The following ETV6 variants were observed in gnomAD, a reference collection of about 807,000 sequenced individuals.
ETV6 encodes ETS variant transcription factor 6.
A neutral mutation model predicts 51.1 loss-of-function variants in ETV6; 16 were observed. That is an observed-to-expected ratio of 0.31 (90% CI 0.21 to 0.48). The LOEUF (loss-of-function observed/expected upper bound fraction) is 0.48. Ranked by LOEUF, ETV6 falls within the 20% of genes least tolerant of loss-of-function variation. The pLI, the probability that ETV6 is intolerant of heterozygous loss-of-function variation, is 0.99. For missense variants in ETV6, 458 were observed against 594.8 expected (o/e 0.77, Z 2.39); for synonymous variants, 240 against 224.1 (o/e 1.07, Z -0.64).
chr12:11,737,866 C>G (rs1047811247), intron 1 of ETV6, among the ~76,000 whole-genome samples: 1 of 152,198 alleles, frequency 6.6e-6, no homozygotes, highest in African/African-American at 2.4e-5. Flanking sequence ...TGCCCCTGCC[C>G]ACTTTTTTTG....
At chr12:11,691,980 A>G (rs952459052) in intron 1 of ETV6, among the ~76,000 whole-genome samples, 2 of 152,232 alleles carry the variant, frequency 1.3e-5, no homozygotes, top group Admixed American at 6.5e-5. Flanking sequence ...AAGAAGTAGC[A>G]TGTAGACTTC....
chr12:11,654,685 A>G (rs1863967316), intron 1 of ETV6, among the ~76,000 whole-genome samples: 1 of 152,020 alleles, frequency 6.6e-6, no homozygotes, highest in African/African-American at 2.4e-5. Flanking sequence ...GGCCTGACGG[A>G]CTTGTATTGG....
intron 1 of ETV6, among the ~76,000 whole-genome samples, chr12:11,732,783 A>G (rs1026429934): frequency 6.6e-6 from 1 of 152,196 alleles, no homozygotes; most frequent in South Asian, 2.1e-4. Flanking sequence ...ATGTCAGAAG[A>G]TGCTCTTCTC....
At chr12:11,689,825 C>T (rs1864718382) in intron 1 of ETV6, among the ~76,000 whole-genome samples, 1 of 120,722 alleles carries the variant, frequency 8.3e-6, no homozygotes. Context: ...CCCCCCCCAC[C>T]CCCCTTTGTC....
In ETV6 at chr12:11,894,410, T is replaced by C. The variant is rs1947359635; in HGVS notation, c.*3364T>C. ...TAGACTGGCTATGTTGAAGGTAACA[T>C]GAACTCTAAGATCTTGACCCAGGGC... On this transcript the variant is annotated 3_prime_UTR_variant, in exon 8 of 8. Coordinates refer to ENST00000396373, the MANE Select transcript of ETV6 (RefSeq NM_001987.5). The C allele has an allele frequency of 1.4e-5, 3 of 220,078 alleles. No individual in the cohort carries two copies. In the East Asian group the frequency reaches 1.9e-4, roughly 14 times the overall value. The allele number at this position is 220,078 out of a possible 1,614,324, so 13.6% of individuals were successfully genotyped here. A position where few individuals can be genotyped will look rare whatever the true frequency, so the allele number is the denominator to read the frequency against.
chr12:11,807,255 T>A (rs1945841663), intron 2 of ETV6, among the ~76,000 whole-genome samples: 5 of 152,234 alleles, frequency 3.3e-5, no homozygotes, highest in Admixed American at 3.3e-4. Flanking sequence ...TTAATTTTGA[T>A]CTTAAAGAAT....
In ETV6 at chr12:11,714,052, A is replaced by G. The variant is rs115098491; in HGVS notation, c.34-38398A>G. ...AGGACCCACAGATGATGCATATGACATTAAAGCTTGAGATGCACTGCACTA... is the reference window on the plus strand; with the variant it reads ...AGGACCCACAGATGATGCATATGACGTTAAAGCTTGAGATGCACTGCACTA... On this transcript the variant is annotated intron_variant, in intron 1 of 7. Transcript: ENST00000396373. 5.0e-3 allele frequency among the ~76,000 whole-genome samples: 765 copies of G among 152,326 alleles called. 3 individuals are homozygous for G. Among genetic ancestry groups the G allele is most frequent in the African/African-American group, 0.017 (718 of 41,570 alleles).
Position 11,893,331 on chromosome 12 carries a change from G to A in ETV6, c.*2285G>A, listed in dbSNP as rs1947324669. On this transcript the variant is annotated 3_prime_UTR_variant, in exon 8 of 8. Transcript: ENST00000396373. The stretch of plus-strand genomic sequence containing the variant: ...CTCAGTCTGGCCTCTTCACCCAAGT[G>A]CAAGAACTCAGTCTCTTACTGTTCA... 4.4e-6 allele frequency: 1 copy of A among 226,400 alleles called. No homozygotes were observed. The highest frequency in any genetic ancestry group is 8.6e-6 in the Non-Finnish European group (1 of 115,894). The allele number at this position is 226,400 out of a possible 1,614,324, so 14.0% of individuals were successfully genotyped here.
chr12:11,878,838 A>AAAC (rs1555146506), intron 5 of ETV6, among the ~76,000 whole-genome samples: 61 of 150,306 alleles, frequency 4.1e-4, no homozygotes, highest in African/African-American at 1.5e-3. Flanking sequence ...GAAAAAAAAA[A>AAAC]AAAACAAGCA....
chr12:11,870,310 A>C (rs938479530), intron 5 of ETV6, among the ~76,000 whole-genome samples: 1 of 150,908 alleles, frequency 6.6e-6, no homozygotes, highest in African/African-American at 2.5e-5. Flanking sequence ...AGTTTCCAGC[A>C]GCTAATTAAT....
chr12:11,665,987 C>CT (rs1031956290), intron 1 of ETV6, among the ~76,000 whole-genome samples: 2 of 152,010 alleles, frequency 1.3e-5, no homozygotes, highest in Admixed American at 6.5e-5. Context: ...ACTGATCATC[C>CT]TTTTTTTTGA....
Position 11,745,232 on chromosome 12 carries a change from T to C in ETV6, c.34-7218T>C, listed in dbSNP as rs147677657. 7.9e-5 allele frequency among the ~76,000 whole-genome samples: 12 copies of C among 152,346 alleles called. No individual in the cohort carries two copies. The East Asian group carries it at 2.1e-3, about 27-fold the overall frequency. ...GAGATAAGATTGTATAGAACCAGCA[T>C]CTTGCAGTTATACGGAACCTTTAAG... On this transcript the variant is annotated intron_variant, in intron 1 of 7. Coordinates refer to ENST00000396373, the MANE Select transcript of ETV6 (RefSeq NM_001987.5).
intron 1 of ETV6, among the ~76,000 whole-genome samples, chr12:11,747,413 AGAAAT>A (rs1253580373): frequency 1.3e-5 from 2 of 152,072 alleles, no homozygotes; most frequent in Non-Finnish European, 2.9e-5. Flanking sequence ...CTGGATGAAA[AGAAAT>A]CATGAACTTC....
chr12:11,671,199 C>G (rs1591598537), intron 1 of ETV6, among the ~76,000 whole-genome samples: 1 of 152,140 alleles, frequency 6.6e-6, no homozygotes, highest in Non-Finnish European at 1.5e-5. Context: ...GTTCTGGGAG[C>G]TTTTTGAGAG....
intron 2 of ETV6, among the ~76,000 whole-genome samples, chr12:11,803,734 A>G (rs1945786147): frequency 6.6e-6 from 1 of 152,232 alleles, no homozygotes; most frequent in African/African-American, 2.4e-5. Flanking sequence ...CTGGTTTTAC[A>G]TTTGATTTTG....
Position 11,732,148 on chromosome 12 carries a change from C to T in ETV6, c.34-20302C>T, listed in dbSNP as rs114179352. ...GGCTCAGTGCAAATCTTTAGCATCA[C>T]CTGGTAGAAGACAACACTGAGCACA... On this transcript the variant is annotated intron_variant, in intron 1 of 7. Transcript: ENST00000396373. Among the ~76,000 whole-genome samples, 993 of 152,286 alleles carry T rather than the reference C, an allele frequency of 6.5e-3. 11 individuals carry two copies. Among genetic ancestry groups the T allele is most frequent in the African/African-American group, 0.022 (924 of 41,550 alleles).
At chr12:11,709,840 C>A (rs1455940855) in intron 1 of ETV6, among the ~76,000 whole-genome samples, 1 of 152,244 alleles carries the variant, frequency 6.6e-6, no homozygotes, top group Admixed American at 6.5e-5. Context: ...GGGTCTCCAG[C>A]CTGCTGGCAC....
intron 2 of ETV6, among the ~76,000 whole-genome samples, chr12:11,831,243 T>C (rs56181030): frequency 0.032 from 4,826 of 152,310 alleles, 147 homozygotes; most frequent in Middle Eastern, 0.054. Context: ...TTGTTTGTTT[T>C]GAAATAGAGT....
At chr12:11,821,773 G>C (rs73052064) in intron 2 of ETV6, among the ~76,000 whole-genome samples, 9,428 of 152,156 alleles carry the variant, frequency 0.062, 405 homozygotes, top group Non-Finnish European at 0.091. Context: ...CCAGGAGTTC[G>C]AGGCTGCAGT....
Sources: gnomAD v4.1 joint callset for allele counts (sites outside exome capture counted in the v4.1 genomes callset) on GRCh38, gnomAD v4.1.1 for gene constraint, MANE v1.5 for transcripts, NCBI Gene and HGNC (gene_info 2026-07-23, HGNC 2026-07-21) for gene names.